CAPN14: variants seen among roughly 807,000 people sequenced by gnomAD.
CAPN14 encodes calpain-14.
Under a neutral mutation model 101.3 loss-of-function variants are expected in CAPN14, and 94 were observed. That is an observed-to-expected ratio of 0.93 (90% CI 0.79 to 1.10). The LOEUF (loss-of-function observed/expected upper bound fraction) is 1.10, where lower values mean the gene tolerates loss of function less well. Among genes scored for constraint, CAPN14 ranks in the 50% least tolerant of loss-of-function variants. The pLI is 0.00. For synonymous variants in CAPN14, 338 were observed against 317.9 expected (o/e 1.06, Z -0.67); for missense variants, 837 against 828.4 (o/e 1.01, Z -0.13).
chr2:31,217,200 A>G (rs1274301845), intron 1 of CAPN14, among the ~76,000 whole-genome samples: 3 of 152,114 alleles, frequency 2.0e-5, no homozygotes, highest in Non-Finnish European at 2.9e-5. Context: ...AGATACTCCC[A>G]TCTTTTTTTT....
chr2:31,191,184 A>G (rs1454423182), intron 12 of CAPN14, among the ~76,000 whole-genome samples: 2 of 152,252 alleles, frequency 1.3e-5, no homozygotes, highest in East Asian at 1.9e-4. Flanking sequence ...CCATAGATGC[A>G]TGAGGATCTC....
intron 7 of CAPN14, 52 bp downstream of exon 7, chr2:31,199,418 G>A (rs1357507328): frequency 6.9e-7 from 1 of 1,443,064 alleles, no homozygotes; most frequent in Non-Finnish European, 9.5e-7. Context: ...CTAGGGTCCA[G>A]AGAGGGAAGG....
chr2:31,208,616 C>A (rs1682227991), intron 1 of CAPN14, among the ~76,000 whole-genome samples: 1 of 152,162 alleles, frequency 6.6e-6, no homozygotes, highest in Non-Finnish European at 1.5e-5. Flanking sequence ...AATAAGTATT[C>A]CTAAGTCACC....
intron 2 of CAPN14, among the ~76,000 whole-genome samples, chr2:31,204,896 G>C (rs890069232): frequency 1.6e-4 from 25 of 152,312 alleles, no homozygotes; most frequent in African/African-American, 5.5e-4. Flanking sequence ...CGTGAGTACA[G>C]GTCACAACCT....
At chr2:31,196,699 A>G (rs1681485699) in intron 8 of CAPN14, among the ~76,000 whole-genome samples, 1 of 152,148 alleles carries the variant, frequency 6.6e-6, no homozygotes, top group African/African-American at 2.4e-5. Context: ...GCATTTCTTT[A>G]GGGCTGCCAT....
intron 2 of CAPN14, among the ~76,000 whole-genome samples, chr2:31,225,190 TAAAC>T (rs1423296788): frequency 6.6e-6 from 1 of 152,058 alleles, no homozygotes; most frequent in Non-Finnish European, 1.5e-5. Flanking sequence ...AAATGGTTCA[TAAAC>T]AATTTCAAAA....
At chr2:31,188,034 C>A (rs1173144531) in intron 14 of CAPN14, among the ~76,000 whole-genome samples, 2 of 152,116 alleles carry the variant, frequency 1.3e-5, no homozygotes, top group Non-Finnish European at 2.9e-5. Context: ...AAAGAAACAC[C>A]AGATAAAGAG....
intron 2 of CAPN14, among the ~76,000 whole-genome samples, chr2:31,226,321 T>A (rs529190385): frequency 3.8e-4 from 58 of 152,344 alleles, no homozygotes; most frequent in African/African-American, 1.3e-3. Flanking sequence ...CATAGACTTA[T>A]CTGTTATAAC....
intron 19 of CAPN14, among the ~76,000 whole-genome samples, 154 bp downstream of exon 19, chr2:31,177,592 A>C (rs948566840): frequency 3.3e-5 from 5 of 152,250 alleles, no homozygotes; most frequent in African/African-American, 1.2e-4. Flanking sequence ...AGGGACAATC[A>C]TAAAAAATGT....
chr2:31,209,394 G>A (rs1369727752), intron 1 of CAPN14, among the ~76,000 whole-genome samples: 5 of 152,082 alleles, frequency 3.3e-5, no homozygotes, highest in African/African-American at 1.2e-4. Flanking sequence ...CGTTATGATG[G>A]TGAGAGGTGT....
At chr2:31,218,972 T>TG (rs11414480), upstream of CAPN14, among the ~76,000 whole-genome samples, 117,987 of 151,844 alleles carry the variant, frequency 0.78, 46,169 homozygotes, top group East Asian at 1. Flanking sequence ...TTATTATTAT[T>TG]ATCTATCTCC....
At chr2:31,189,574 G>A in intron 12 of CAPN14, 96 bp from the exon 13 acceptor site, 1 of 1,023,278 alleles carries the variant, frequency 9.8e-7, no homozygotes, top group Non-Finnish European at 1.5e-6. Flanking sequence ...GACTAAGGTG[G>A]CCTCTGCTCT....
intron 16 of CAPN14, among the ~76,000 whole-genome samples, chr2:31,184,416 C>T (rs761803575): frequency 7.2e-5 from 11 of 152,190 alleles, no homozygotes; most frequent in Non-Finnish European, 1.3e-4. Context: ...TCCTCACATG[C>T]GATGGTTTCT....
intron 10 of CAPN14, 49 bp downstream of exon 10, chr2:31,193,082 C>A (rs1186911032): frequency 5.3e-6 from 8 of 1,503,934 alleles, no homozygotes; most frequent in Non-Finnish European, 6.2e-6. Context: ...TTCTGACACC[C>A]CCGCCCACAA....
In CAPN14 at chr2:31,230,521, T is replaced by C. The variant is rs956958706; in HGVS notation, c.-177+3270A>G. On this transcript the variant is annotated intron_variant and NMD_transcript_variant, in intron 1 of 21. Transcript: ENST00000398824. The surrounding 1 kb of genome is among the most constrained non-coding windows in gnomAD (Gnocchi z 4.3). ...CATTGCTCTACATCCTCACCAACCCTACCATCCAACTTTTTATTCTTGCCA... is the reference window on the plus strand; with the variant it reads ...CATTGCTCTACATCCTCACCAACCCCACCATCCAACTTTTTATTCTTGCCA... Among the ~76,000 whole-genome samples, 10 of 152,228 alleles carry C rather than the reference T, an allele frequency of 6.6e-5. No homozygotes were observed. The highest frequency in any genetic ancestry group is 1.0e-4 in the Non-Finnish European group (7 of 68,026).
intron 17 of CAPN14, among the ~76,000 whole-genome samples, chr2:31,179,372 C>T (rs575427547): frequency 7.9e-4 from 120 of 152,208 alleles, no homozygotes; most frequent in Middle Eastern, 6.8e-3. Context: ...TTTCAAGCTG[C>T]ATCCATGTCC....
rs1199588976 is a variant in CAPN14, at chr2:31,177,120, G to A, written c.1878C>T (p.Val626=). The A allele has an allele frequency of 6.4e-7, 1 of 1,551,058 alleles. No individual in the cohort carries two copies. Among genetic ancestry groups the A allele is most frequent in the Non-Finnish European group, 8.7e-7 (1 of 1,146,666 alleles). The change falls in exon 20 of 22, where the codon GTC becomes GTT. Residue 626 remains valine (V), a synonymous_variant. Coordinates refer to ENST00000403897, the MANE Select transcript of CAPN14 (RefSeq NM_001145122.2). The part of the protein sequence containing the change: ...REAGIMLSDD[V]CQLMLIRYGG... Reference sequence around the variant, plus strand: ...CGTAGCGGATGAGCATCAGCTGACAGACGTCATCACTGAGCATGATTCCTG... The same window carrying A: ...CGTAGCGGATGAGCATCAGCTGACAAACGTCATCACTGAGCATGATTCCTG...
chr2:31,184,429 A>G (rs182634071), intron 16 of CAPN14, among the ~76,000 whole-genome samples: 55 of 152,268 alleles, frequency 3.6e-4, no homozygotes, highest in African/African-American at 1.3e-3. Flanking sequence ...TGGTTTCTAA[A>G]CCCTCAACAC....
chr2:31,196,772 C>T (rs148591682), intron 8 of CAPN14, among the ~76,000 whole-genome samples: 150 of 152,274 alleles, frequency 9.9e-4, no homozygotes, highest in African/African-American at 3.5e-3. Flanking sequence ...TATATGTAAT[C>T]AGAGTGTAGA....
Sources: gnomAD v4.1 joint callset for allele counts (sites outside exome capture counted in the v4.1 genomes callset) on GRCh38, gnomAD v4.1.1 for gene constraint, Gnocchi (gnomAD v3.1) non-coding constraint, MANE v1.5 for transcripts, NCBI Gene and HGNC (gene_info 2026-07-23, HGNC 2026-07-21) for gene names.